Variants in GALNT13 observed in about 807,000 individuals in gnomAD.
GALNT13 encodes UDP-GalNAc:polypeptide N-acetylgalactosaminyltransferase 13.
GALNT13 carries 28 observed loss-of-function variants against 64.2 expected under a neutral mutation model. That is an observed-to-expected ratio of 0.44 (90% confidence interval 0.32 to 0.60). GALNT13 has a LOEUF of 0.60. Among genes scored for constraint, GALNT13 ranks in the 20% least tolerant of loss-of-function variants. GALNT13 has a pLI of 0.05. For missense variants in GALNT13, 577 were observed against 669.8 expected (o/e 0.86, Z 1.53); for synonymous variants, 214 against 224.6 (o/e 0.95, Z 0.42).
the GALNT13 span, among the ~76,000 whole-genome samples, chr2:153,626,348 T>C: frequency 1.1e-3 from 161 of 152,232 alleles, no homozygotes; most frequent in Non-Finnish European, 1.4e-3. Context: ...AACATAGTAA[T>C]TCAAAAGGAG....
At chr2:153,562,060 C>CTCTCTCTG in the GALNT13 span, among the ~76,000 whole-genome samples, 50 of 118,958 alleles carry the variant, frequency 4.2e-4, no homozygotes, top group African/African-American at 1.6e-3. Flanking sequence ...CTCTCTCTCT[C>CTCTCTCTG]TGTGTGTGTG....
the GALNT13 span, among the ~76,000 whole-genome samples, chr2:153,674,830 C>T: frequency 6.6e-6 from 1 of 151,842 alleles, no homozygotes; most frequent in Non-Finnish European, 1.5e-5. Context: ...CCATAATCTA[C>T]AAAAAACTTA....
chr2:153,123,500 A>C, the GALNT13 span, among the ~76,000 whole-genome samples: 1 of 152,246 alleles, frequency 6.6e-6, no homozygotes, highest in Non-Finnish European at 1.5e-5. Flanking sequence ...ATAAGAAGTA[A>C]TAAACATGGA....
intron 7 of GALNT13, among the ~76,000 whole-genome samples, chr2:154,256,233 T>G (rs936080599): frequency 6.6e-6 from 1 of 150,422 alleles, no homozygotes; most frequent in African/African-American, 2.5e-5. Context: ...GAAAGGTAGA[T>G]TCACCCAAGC....
intron 3 of GALNT13, among the ~76,000 whole-genome samples, chr2:154,030,674 A>G (rs1044333572): frequency 6.6e-6 from 1 of 151,974 alleles, no homozygotes; most frequent in African/African-American, 2.4e-5. Context: ...ATGGGTGCAG[A>G]TTTCCCCCTT....
the GALNT13 span, among the ~76,000 whole-genome samples, chr2:153,516,705 G>A: frequency 6.6e-6 from 1 of 152,064 alleles, no homozygotes; most frequent in Admixed American, 6.5e-5. Context: ...AATTGTAGTA[G>A]CATCATGTGC....
the GALNT13 span, among the ~76,000 whole-genome samples, chr2:153,765,447 T>C: frequency 6.6e-6 from 1 of 152,228 alleles, no homozygotes; most frequent in Admixed American, 6.5e-5. Flanking sequence ...CCCTTCATTT[T>C]GGCCAATTTC....
chr2:154,417,528 T>TTTTTTTTTA (rs1226916965), intron 11 of GALNT13, among the ~76,000 whole-genome samples: 1 of 151,260 alleles, frequency 6.6e-6, no homozygotes. Flanking sequence ...TTTATTTTTT[T>TTTTTTTTTA]GAGGCGGAGT....
At chr2:153,308,821 G>C in the GALNT13 span, among the ~76,000 whole-genome samples, 2 of 151,846 alleles carry the variant, frequency 1.3e-5, no homozygotes, top group African/African-American at 4.8e-5. Context: ...TGAGTAGAAT[G>C]GAATAGAAGA....
chr2:153,658,778 G>C, the GALNT13 span, among the ~76,000 whole-genome samples: 1 of 62,232 alleles, frequency 1.6e-5, no homozygotes, highest in Admixed American at 2.1e-4. Flanking sequence ...GCCAGACTTT[G>C]CTTGCTTTTT....
At chr2:153,769,444 T>C in the GALNT13 span, among the ~76,000 whole-genome samples, 5 of 152,020 alleles carry the variant, frequency 3.3e-5, no homozygotes, top group Admixed American at 2.0e-4. Context: ...TTTCTGCTGA[T>C]AAATCTGTTA....
intron 11 of GALNT13, among the ~76,000 whole-genome samples, chr2:154,418,242 AT>A (rs1249935730): frequency 6.6e-6 from 1 of 152,204 alleles, no homozygotes; most frequent in African/African-American, 2.4e-5. Context: ...GGAGGATGAA[AT>A]TGTTCCTCTA....
At chr2:154,053,159 C>A (rs1006763659) in intron 3 of GALNT13, among the ~76,000 whole-genome samples, 14 of 152,124 alleles carry the variant, frequency 9.2e-5, no homozygotes, top group Admixed American at 3.9e-4. Context: ...ATCTGACAAA[C>A]AACTTTTGAC....
the GALNT13 span, among the ~76,000 whole-genome samples, chr2:153,527,772 A>T: frequency 2.6e-5 from 4 of 152,138 alleles, no homozygotes; most frequent in Admixed American, 6.5e-5. Flanking sequence ...AAAAAGTTAA[A>T]AAGTTGAGGG....
At chr2:153,446,543 G>C in the GALNT13 span, among the ~76,000 whole-genome samples, 2 of 152,144 alleles carry the variant, frequency 1.3e-5, no homozygotes, top group Non-Finnish European at 2.9e-5. Flanking sequence ...TACTTATTTG[G>C]AAGCAGCAGC....
chr2:153,256,676 C>T, the GALNT13 span, among the ~76,000 whole-genome samples: 1 of 152,048 alleles, frequency 6.6e-6, no homozygotes, highest in Non-Finnish European at 1.5e-5. Flanking sequence ...AGTTTTCCTT[C>T]TAACAGACAT....
chr2:153,181,939 CA>C, the GALNT13 span, among the ~76,000 whole-genome samples: 2 of 149,084 alleles, frequency 1.3e-5, no homozygotes, highest in African/African-American at 4.9e-5. Flanking sequence ...CAATAATATA[CA>C]AATGGTAATT....
chr2:153,813,040 C>T, the GALNT13 span, among the ~76,000 whole-genome samples: 1 of 152,028 alleles, frequency 6.6e-6, no homozygotes, highest in Non-Finnish European at 1.5e-5. Context: ...TATCTATACG[C>T]TTCATTTCTT....
chr2:153,825,728 C>G, the GALNT13 span, among the ~76,000 whole-genome samples: 1 of 151,510 alleles, frequency 6.6e-6, no homozygotes, highest in African/African-American at 2.4e-5. Flanking sequence ...TATCCCCCAG[C>G]GAATACCCTT....
Sources: gnomAD v4.1 joint callset for allele counts (sites outside exome capture counted in the v4.1 genomes callset) on GRCh38, gnomAD v4.1.1 for gene constraint, MANE v1.5 for transcripts, NCBI Gene and HGNC (gene_info 2026-07-23, HGNC 2026-07-21) for gene names.